The following MAML3 variants were observed in gnomAD, a reference collection of about 807,000 sequenced individuals.
The protein encoded by MAML3 is mastermind-like protein 3.
MAML3 carries 27 observed loss-of-function variants against 101.9 expected under a neutral mutation model. That is an observed-to-expected ratio of 0.27 (90% CI 0.20 to 0.37). The LOEUF (loss-of-function observed/expected upper bound fraction) is 0.37. Ranked by LOEUF, MAML3 falls within the 10% of genes least tolerant of loss-of-function variation. The probability of loss-of-function intolerance (pLI) is 1.00; values close to 1 mark genes in which losing one functional copy is unlikely to be tolerated. For synonymous variants in MAML3, 501 were observed against 555.9 expected (o/e 0.90, Z 1.39); for missense variants, 1,316 against 1,444.9 (o/e 0.91, Z 1.45).
chr4:139,988,951 C>T (rs558159745), intron 1 of MAML3, among the ~76,000 whole-genome samples: 1 of 152,222 alleles, frequency 6.6e-6, no homozygotes, highest in South Asian at 2.1e-4. Context: ...CCTGCTCTAC[C>T]CCTGCTCAGC....
At chr4:139,938,748 T>C (rs574539705) in intron 1 of MAML3, among the ~76,000 whole-genome samples, 8 of 152,236 alleles carry the variant, frequency 5.3e-5, no homozygotes, top group Non-Finnish European at 8.8e-5. Context: ...TTTTCCCTGA[T>C]AAAGGTGTTT....
At chr4:139,991,730 TCA>T in intron 1 of MAML3, among the ~76,000 whole-genome samples, 1 of 151,952 alleles carries the variant, frequency 6.6e-6, no homozygotes, top group Non-Finnish European at 1.5e-5. Flanking sequence ...ACCTATAATC[TCA>T]GAGCTTTGGG....
intron 2 of MAML3, among the ~76,000 whole-genome samples, chr4:139,782,354 T>C (rs1407965038): frequency 6.6e-6 from 1 of 152,050 alleles, no homozygotes; most frequent in Non-Finnish European, 1.5e-5. Context: ...TTGGTAAAGA[T>C]GGGGGTCTCA....
At position 139,730,642 on chromosome 4, in the gene MAML3, C is replaced by T. The variant is rs767115747; in HGVS notation, c.2105G>A (p.Arg702Gln). ...GGAGGACTGCATGGGGCCTGTGGTTCGGGGAAGTCCAACTGGATGCTGCTC... is the reference window on the plus strand; with the variant it reads ...GGAGGACTGCATGGGGCCTGTGGTTTGGGGAAGTCCAACTGGATGCTGCTC... ...GQEQHPVGLP[R>Q]TTGPMQSSVP... Residue 702 changes from arginine to glutamine, a missense_variant, in exon 3 of 5, where the codon CGA becomes CAA. Coordinates refer to ENST00000509479, the MANE Select transcript of MAML3 (RefSeq NM_018717.5). The T allele has an allele frequency of 6.4e-5, 104 of 1,612,742 alleles. No individual in the cohort carries two copies. Among genetic ancestry groups the T allele is most frequent in the East Asian group, 2.2e-4 (10 of 44,874 alleles).
In MAML3 at chr4:139,718,712, T is replaced by TG. The variant is rs995285243; in HGVS notation, c.*610dup. ...TCATGGGGCAGGAGACAGACAGTCCTGTAGGATCTGTGGTTGTCTCCTTTT... is the reference window on the plus strand; with the variant it reads ...TCATGGGGCAGGAGACAGACAGTCCTGGTAGGATCTGTGGTTGTCTCCTTTT... On this transcript the variant is annotated 3_prime_UTR_variant, in exon 5 of 5. Transcript: ENST00000509479. 2.8e-4 allele frequency: 43 copies of TG among 153,106 alleles called. No individual in the cohort carries two copies. The highest frequency in any genetic ancestry group is 1.0e-3 in the African/African-American group (42 of 41,566). The allele number at this position is 153,106 out of a possible 1,614,324, so 9.5% of individuals were successfully genotyped here.
At chr4:139,854,978 G>A (rs989288247) in intron 2 of MAML3, among the ~76,000 whole-genome samples, 1 of 152,208 alleles carries the variant, frequency 6.6e-6, no homozygotes, top group African/African-American at 2.4e-5. Flanking sequence ...TCAGCCATGT[G>A]CTCTCACCCA....
In MAML3 at chr4:139,889,794, T is replaced by C. The variant is rs1732426021; in HGVS notation, c.1642A>G (p.Asn548Asp). ...GGAGGCACTATAGGGTTTTGGTTGT[T>C]AAAGGCTTGGGGGTACATCATTGGG... ...NSPMMYPQAF[N>D]NQNPIVPPMA... The change falls in exon 2 of 5, where the codon AAC becomes GAC. Residue 548 changes from asparagine to aspartate, a missense_variant. Physicochemically the swap from Asn to Asp is conservative, Grantham distance 23. Coordinates refer to ENST00000509479, the MANE Select transcript of MAML3 (RefSeq NM_018717.5). 1 of 1,613,898 alleles carries C rather than the reference T, an allele frequency of 6.2e-7. No individual in the cohort carries two copies. Among genetic ancestry groups the C allele is most frequent in the Non-Finnish European group, 8.5e-7 (1 of 1,179,894 alleles).
chr4:139,744,617 T>C (rs943086028), intron 2 of MAML3, among the ~76,000 whole-genome samples: 2 of 152,202 alleles, frequency 1.3e-5, no homozygotes, highest in East Asian at 1.9e-4. Flanking sequence ...GAAAAACTTT[T>C]ATTGCTCAAG....
chr4:140,026,386 C>G (rs573789963), intron 1 of MAML3, among the ~76,000 whole-genome samples: 8 of 152,200 alleles, frequency 5.3e-5, no homozygotes, highest in African/African-American at 1.9e-4. Context: ...TCCCAAGTAG[C>G]TGGGATTACA....
At chr4:139,853,811 A>AT (rs2111158256) in intron 2 of MAML3, among the ~76,000 whole-genome samples, 1 of 151,762 alleles carries the variant, frequency 6.6e-6, no homozygotes, top group Non-Finnish European at 1.5e-5. Flanking sequence ...CCTTGGATAA[A>AT]TTTTTTATTT....
At chr4:140,114,135 C>T (rs1453013247) in intron 1 of MAML3, among the ~76,000 whole-genome samples, 1 of 152,258 alleles carries the variant, frequency 6.6e-6, no homozygotes, top group Non-Finnish European at 1.5e-5. Context: ...CCTGCACTCT[C>T]TGCCCTGCGA....
chr4:140,034,033 CAAT>C lies in MAML3; in HGVS notation c.468+118824_468+118826del, dbSNP rs1348302599. Among the ~76,000 whole-genome samples, 3 of 152,198 alleles carry C rather than the reference CAAT, an allele frequency of 2.0e-5. No homozygotes were observed. The East Asian group carries it at 5.8e-4, about 29-fold the overall frequency. On this transcript the variant is annotated intron_variant, in intron 1 of 4. Transcript: ENST00000509479. Reference sequence around the variant, plus strand: ...ATACCACCCTTCTCACAGTGTGGACCAATAATAATAACAACAACAACAGCAACA... The same window carrying C: ...ATACCACCCTTCTCACAGTGTGGACCAATAATAACAACAACAACAGCAACA...
At chr4:140,115,513 T>C (rs1578692162) in intron 1 of MAML3, among the ~76,000 whole-genome samples, 1 of 152,268 alleles carries the variant, frequency 6.6e-6, no homozygotes. Flanking sequence ...AATTAATGAG[T>C]GCAGGAGACT....
At chr4:139,789,832 G>C (rs1333437437) in intron 2 of MAML3, among the ~76,000 whole-genome samples, 1 of 152,062 alleles carries the variant, frequency 6.6e-6, no homozygotes, top group Non-Finnish European at 1.5e-5. Flanking sequence ...ATTCAGAAAG[G>C]AGAAGGGTGA....
rs1332276719 is a variant in MAML3 at position 140,069,369 on chromosome 4, A to G, written c.468+83491T>C. On this transcript the variant is annotated intron_variant, in intron 1 of 4. Coordinates refer to ENST00000509479, the MANE Select transcript of MAML3 (RefSeq NM_018717.5). ...GAAGGAGAAGGAGAAGGAGAAGAAG[A>G]AGAAGAAGAAGAAGAAGGAGGAGGA... 1.3e-3 allele frequency among the ~76,000 whole-genome samples: 172 copies of G among 133,974 alleles called. 3 individuals carry two copies. Among genetic ancestry groups the G allele is most frequent in the African/African-American group, 4.7e-3 (163 of 34,360 alleles). The allele number at this position is 133,974 out of a possible 152,430, so 87.9% of individuals were successfully genotyped here. A position where few individuals can be genotyped will look rare whatever the true frequency, so the allele number is the denominator to read the frequency against.
In MAML3 at chr4:139,997,073, A is replaced by ATAC. The variant is rs1185838619; in HGVS notation, c.469-106107_469-106106insGTA. On this transcript the variant is annotated intron_variant, in intron 1 of 4. Transcript: ENST00000509479. Reference sequence around the variant, plus strand: ...TCCGTCTCAAGAAATAATAATAATAATAAATAAAATAAAATAAATTTTTTT... The same window carrying ATAC: ...TCCGTCTCAAGAAATAATAATAATAATACTAAATAAAATAAAATAAATTTTTTT... Among the ~76,000 whole-genome samples, 8 of 147,796 alleles carry ATAC rather than the reference A, an allele frequency of 5.4e-5. No individual in the cohort carries two copies. In the East Asian group the frequency reaches 1.6e-3, roughly 29 times the overall value.
intron 2 of MAML3, among the ~76,000 whole-genome samples, chr4:139,792,543 T>C (rs887161468): frequency 6.6e-6 from 1 of 152,214 alleles, no homozygotes; most frequent in African/African-American, 2.4e-5. Context: ...TTTTCAGATA[T>C]ACAGCATTTA....
chr4:140,032,761 C>T (rs1726927452), intron 1 of MAML3, among the ~76,000 whole-genome samples: 1 of 151,680 alleles, frequency 6.6e-6, no homozygotes, highest in South Asian at 2.1e-4. Context: ...ACTTACTCGA[C>T]ATCTAGGAAT....
chr4:140,137,145 C>T (rs1056039594), intron 1 of MAML3, among the ~76,000 whole-genome samples: 1 of 152,174 alleles, frequency 6.6e-6, no homozygotes, highest in Non-Finnish European at 1.5e-5. Context: ...CCCGCCACCG[C>T]GCCCGGCTAA....
Sources: allele counts gnomAD v4.1 joint callset (sites outside exome capture counted in the v4.1 genomes callset), GRCh38; gene constraint gnomAD v4.1.1; transcripts MANE v1.5; gene names NCBI Gene and HGNC (gene_info 2026-07-23, HGNC 2026-07-21).